PCDH19: variants seen among roughly 807,000 people sequenced by gnomAD.
PCDH19 encodes the protein protocadherin-19.
Under a neutral mutation model 46.2 loss-of-function variants are expected in PCDH19, and 6 were observed. That is an observed-to-expected ratio of 0.13 (90% confidence interval 0.07 to 0.26). The LOEUF (loss-of-function observed/expected upper bound fraction) is 0.26. Among genes scored for constraint, PCDH19 ranks in the 10% least tolerant of loss-of-function variants. The pLI is 1.00. For synonymous variants in PCDH19, 481 were observed against 415.7 expected, an observed-to-expected ratio of 1.16 and a Z score of -1.91; for missense variants, 740 against 972.3, an observed-to-expected ratio of 0.76 and a Z score of 3.18.
chrX:100,373,839 T>C (rs1927294857), intron 3 of PCDH19, among the ~76,000 whole-genome samples: 1 of 112,863 alleles, frequency 8.9e-6, no homozygotes, highest in Admixed American at 9.3e-5. Flanking sequence ...CTGCTAAAAG[T>C]AGAAGCCAGA....
At chrX:100,401,991 T>C (rs1160628392) in intron 3 of PCDH19, among the ~76,000 whole-genome samples, 3 of 112,323 alleles carry the variant, frequency 2.7e-5, no homozygotes, top group Non-Finnish European at 3.8e-5. Flanking sequence ...AAAGTGGCTT[T>C]TTAATTTTTT....
intron 5 of PCDH19, among the ~76,000 whole-genome samples, chrX:100,332,126 A>T (rs1569294172): frequency 8.9e-6 from 1 of 112,376 alleles, no homozygotes; most frequent in Non-Finnish European, 1.9e-5. Flanking sequence ...CTGACCCTGG[A>T]TGACAAAAAG....
chrX:100,402,736 C>A lies in PCDH19; in HGVS notation c.2404G>T (p.Val802Phe). ...GAGGAGGTCAGGGAAGAGCAACTGA[C>A]AACGTTCATCTTGTCTGTCTCCTCC... ...DVEETDKMNV[V>F]SCSSLTSSLN... The change falls in exon 3 of 6, where the codon GTC becomes TTC. Residue 802 changes from valine (V) to phenylalanine (F), a missense_variant. Transcript: ENST00000373034. 1 of 1,210,579 alleles carries A rather than the reference C, an allele frequency of 8.3e-7. No individual in the cohort carries two copies. The highest frequency in any genetic ancestry group is 1.1e-6 in the Non-Finnish European group (1 of 894,348).
At chrX:100,325,425 A>G (rs945323205) in intron 5 of PCDH19, among the ~76,000 whole-genome samples, 1 of 98,242 alleles carries the variant, frequency 1.0e-5, no homozygotes, top group African/African-American at 3.8e-5. Flanking sequence ...GCTGGAGTGC[A>G]GTGGCGAGGT....
intron 4 of PCDH19, among the ~76,000 whole-genome samples, chrX:100,348,797 TATCAGTCTACC>T (rs1353225818): frequency 8.9e-6 from 1 of 112,169 alleles, no homozygotes; most frequent in Non-Finnish European, 1.9e-5. Flanking sequence ...AGTTTTTATC[TATCAGTCTACC>T]TTGTAAATTG....
chrX:100,405,719 T>C (rs969274616), intron 1 of PCDH19, among the ~76,000 whole-genome samples: 16 of 111,044 alleles, frequency 1.4e-4, no homozygotes, highest in African/African-American at 4.6e-4. Flanking sequence ...CTCTAGAAGA[T>C]TGCTATTTTT....
chrX:100,325,258 G>A (rs1389008361), intron 5 of PCDH19, among the ~76,000 whole-genome samples: 1 of 110,320 alleles, frequency 9.1e-6, no homozygotes, highest in Non-Finnish European at 1.9e-5. Context: ...GAGACTTTGA[G>A]AGGTTAGTGA....
chrX:100,325,264 A>G (rs1925654783), intron 5 of PCDH19, among the ~76,000 whole-genome samples: 1 of 110,778 alleles, frequency 9.0e-6, no homozygotes, highest in African/African-American at 3.3e-5. Flanking sequence ...TTGAGAGGTT[A>G]GTGACTTATC....
At chrX:100,398,158 G>A (rs1411117388) in intron 3 of PCDH19, among the ~76,000 whole-genome samples, 1 of 111,876 alleles carries the variant, frequency 8.9e-6, no homozygotes, top group South Asian at 3.7e-4. Flanking sequence ...TTCTACAAAA[G>A]TCTTCTGTAA....
chrX:100,388,345 T>C (rs1927773085), intron 3 of PCDH19, among the ~76,000 whole-genome samples: 1 of 110,488 alleles, frequency 9.1e-6, no homozygotes, highest in Non-Finnish European at 1.9e-5. Context: ...GGAATTAATC[T>C]ATGTGTGTTA....
In PCDH19 at chrX:100,295,585, CTT is replaced by C. The variant is rs1417682398; in HGVS notation, c.*690_*691del. ...TCATTTGCTGTCTCAGTTGTTTGCACTTTGTTTTTGTCTGTAGTTTTATTATT... is the reference window on the plus strand; with the variant it reads ...TCATTTGCTGTCTCAGTTGTTTGCACTGTTTTTGTCTGTAGTTTTATTATT... On this transcript the variant is annotated 3_prime_UTR_variant, in exon 6 of 6. Transcript: ENST00000373034. The C allele has an allele frequency of 2.7e-5, 3 of 112,206 alleles. No homozygotes were observed. The highest frequency in any genetic ancestry group is 5.6e-5 in the Non-Finnish European group (3 of 53,297). The allele number at this position is 112,206 out of a possible 1,213,427, so 9.2% of individuals were successfully genotyped here. A position where few individuals can be genotyped will look rare whatever the true frequency, so the allele number is the denominator to read the frequency against.
intron 4 of PCDH19, 98 bp downstream of exon 4, chrX:100,350,548 A>T (rs1926537951): frequency 1.7e-6 from 1 of 600,005 alleles, no homozygotes; most frequent in South Asian, 2.6e-5. Context: ...TTCATTTTAA[A>T]ATCCCCCAAA....
At chrX:100,322,866 T>TATATATATATA (rs1491391280) in intron 5 of PCDH19, among the ~76,000 whole-genome samples, 7 of 36,865 alleles carry the variant, frequency 1.9e-4, no homozygotes, top group Admixed American at 1.0e-3. Flanking sequence ...TATATATATA[T>TATATATATATA]TTTTGCAGCT....
At chrX:100,393,353 G>A (rs1451101128) in intron 3 of PCDH19, among the ~76,000 whole-genome samples, 1 of 110,654 alleles carries the variant, frequency 9.0e-6, no homozygotes, top group African/African-American at 3.3e-5. Context: ...ACATGTGTAC[G>A]GTCAGCCCAG....
intron 3 of PCDH19, among the ~76,000 whole-genome samples, chrX:100,377,784 C>A (rs1051960762): frequency 8.9e-6 from 1 of 111,984 alleles, no homozygotes; most frequent in Non-Finnish European, 1.9e-5. Flanking sequence ...ATACTCTACA[C>A]GTTGTGGAGA....
intron 3 of PCDH19, among the ~76,000 whole-genome samples, chrX:100,368,832 C>T (rs1023717784): frequency 1.8e-5 from 2 of 111,833 alleles, no homozygotes; most frequent in Non-Finnish European, 3.8e-5. Context: ...AGGCCTTAAG[C>T]CAACAATGTA....
At position 100,354,836 on chromosome X, in the gene PCDH19, A is replaced by G. The variant is rs750407667; in HGVS notation, c.2617-4132T>C. 3.6e-5 allele frequency among the ~76,000 whole-genome samples: 4 copies of G among 111,156 alleles called. No individual in the cohort carries two copies. The South Asian group carries it at 1.1e-3, about 32-fold the overall frequency. ...GAAATTTTCTCTAAATGTCACATTA[A>G]TTTCACTAGGAAATGTCCCCATTTC... On this transcript the variant is annotated intron_variant, in intron 3 of 5. Transcript: ENST00000373034.
At chrX:100,402,252 A>C (rs1928206282) in intron 3 of PCDH19, among the ~76,000 whole-genome samples, 1 of 112,012 alleles carries the variant, frequency 8.9e-6, no homozygotes, top group Admixed American at 9.5e-5. Context: ...GGTGGAGCAA[A>C]CTTGAGTTAT....
chrX:100,355,387 G>GT (rs1487340507), intron 3 of PCDH19, among the ~76,000 whole-genome samples: 5 of 111,548 alleles, frequency 4.5e-5, no homozygotes, highest in African/African-American at 1.6e-4. Context: ...AACTGCTGTG[G>GT]TTTTTTTCTT....
Sources: gnomAD v4.1 joint callset for allele counts (sites outside exome capture counted in the v4.1 genomes callset) on GRCh38, gnomAD v4.1.1 for gene constraint, MANE v1.5 for transcripts, NCBI Gene and HGNC (gene_info 2026-07-23, HGNC 2026-07-21) for gene names.